The following EPB41L4A variants were observed in gnomAD, a reference collection of about 807,000 sequenced individuals.
The protein encoded by EPB41L4A is band 4.1-like protein 4A.
EPB41L4A carries 100 observed loss-of-function variants against 108.6 expected under a neutral mutation model. The observed-to-expected ratio is 0.92, with a 90% CI of 0.78 to 1.09. The LOEUF is 1.09. Among genes scored for constraint, EPB41L4A ranks in the 50% least tolerant of loss-of-function variants. The probability of loss-of-function intolerance (pLI) is 0.00; values close to 1 mark genes in which losing one functional copy is unlikely to be tolerated. For missense variants in EPB41L4A, 1,030 were observed against 842.7 expected (o/e 1.22, Z -2.75); for synonymous variants, 319 against 289.0 (o/e 1.10, Z -1.05).
At chr5:112,274,656 G>T (rs1412362329) in intron 4 of EPB41L4A, among the ~76,000 whole-genome samples, 2 of 152,166 alleles carry the variant, frequency 1.3e-5, no homozygotes, top group Non-Finnish European at 2.9e-5. Context: ...ATATACTTTT[G>T]TTTTTCCTAC....
intron 4 of EPB41L4A, 44 bp downstream of exon 4, chr5:112,275,282 T>C (rs986543266): frequency 1.3e-6 from 2 of 1,501,526 alleles, no homozygotes; most frequent in Admixed American, 2.4e-5. Context: ...GCTTTTTGTA[T>C]ATGCAATGCA....
intron 1 of EPB41L4A, among the ~76,000 whole-genome samples, chr5:112,341,534 A>G (rs1257884838): frequency 6.6e-6 from 1 of 152,212 alleles, no homozygotes; most frequent in Non-Finnish European, 1.5e-5. Context: ...TCATAACCTC[A>G]CAAATCAGCA....
At chr5:112,311,812 G>T (rs1755071546) in intron 1 of EPB41L4A, among the ~76,000 whole-genome samples, 1 of 152,088 alleles carries the variant, frequency 6.6e-6, no homozygotes, top group Non-Finnish European at 1.5e-5. Context: ...TGGAATGCTG[G>T]CATATGAAGA....
intron 1 of EPB41L4A, among the ~76,000 whole-genome samples, chr5:112,314,160 C>G (rs1755254841): frequency 6.6e-6 from 1 of 151,782 alleles, no homozygotes; most frequent in African/African-American, 2.4e-5. Flanking sequence ...ACCTGGCCAC[C>G]GTGTAACTTT....
chr5:112,385,609 TCTC>T (rs1760468295), intron 1 of EPB41L4A, among the ~76,000 whole-genome samples: 1 of 151,904 alleles, frequency 6.6e-6, no homozygotes, highest in African/African-American at 2.4e-5. Context: ...ACTAAAATTA[TCTC>T]CTTATTGAAA....
chr5:112,185,154 G>C (rs1353069275), intron 17 of EPB41L4A, among the ~76,000 whole-genome samples: 1 of 146,698 alleles, frequency 6.8e-6, no homozygotes, highest in African/African-American at 2.5e-5. Context: ...TCTAATTTAT[G>C]TAAGCTCTTC....
chr5:112,266,027 C>G (rs910790949), intron 5 of EPB41L4A, among the ~76,000 whole-genome samples: 4 of 152,192 alleles, frequency 2.6e-5, no homozygotes, highest in African/African-American at 9.7e-5. Flanking sequence ...AACCTCCATA[C>G]GACCTACCAT....
At chr5:112,232,656 T>C (rs889733291) in intron 12 of EPB41L4A, among the ~76,000 whole-genome samples, 6 of 152,226 alleles carry the variant, frequency 3.9e-5, no homozygotes, top group African/African-American at 1.4e-4. Flanking sequence ...AATGAAATGA[T>C]AGATGTCATA....
chr5:112,378,110 T>C (rs1313342979), intron 1 of EPB41L4A, among the ~76,000 whole-genome samples: 1 of 152,222 alleles, frequency 6.6e-6, no homozygotes, highest in Non-Finnish European at 1.5e-5. Flanking sequence ...CGGAGAAATT[T>C]ATTTCAACAT....
At chr5:112,238,990 A>G (rs1426583191) in intron 11 of EPB41L4A, among the ~76,000 whole-genome samples, 1 of 152,202 alleles carries the variant, frequency 6.6e-6, no homozygotes, top group African/African-American at 2.4e-5. Context: ...TAATGGTTAT[A>G]AACATGAGCT....
intron 6 of EPB41L4A, 43 bp from the exon 7 acceptor site, chr5:112,262,624 T>A (rs1751575004): frequency 6.7e-7 from 1 of 1,484,656 alleles, no homozygotes; most frequent in Non-Finnish European, 9.4e-7. Flanking sequence ...TTACAGCAGC[T>A]ACTGCACTTA....
At chr5:112,336,377 G>A (rs1756922857) in intron 1 of EPB41L4A, among the ~76,000 whole-genome samples, 1 of 152,108 alleles carries the variant, frequency 6.6e-6, no homozygotes, top group Admixed American at 6.6e-5. Context: ...GTTGGGGGCG[G>A]GAGTTCAATT....
At position 112,391,902 on chromosome 5, in the gene EPB41L4A, G is replaced by C. The variant is rs867093347; in HGVS notation, c.99+27039C>G. On this transcript the variant is annotated intron_variant, in intron 1 of 22. Transcript: ENST00000261486. ...TCGGCAGAAACTCCACAAGCGAGAAGAGAGTGGGGGCCAGTATTCAACATT... is the reference window on the plus strand; with the variant it reads ...TCGGCAGAAACTCCACAAGCGAGAACAGAGTGGGGGCCAGTATTCAACATT... 2.0e-5 allele frequency among the ~76,000 whole-genome samples: 3 copies of C among 152,218 alleles called. No individual in the cohort carries two copies. The South Asian group carries it at 6.2e-4, about 32-fold the overall frequency.
At chr5:112,417,646 G>C (rs712675) in intron 1 of EPB41L4A, among the ~76,000 whole-genome samples, 48,617 of 151,970 alleles carry the variant, frequency 0.32, 10,923 homozygotes, top group African/African-American at 0.64. Context: ...CACCCTCCCC[G>C]AAAAGAGTCT....
chr5:112,404,515 G>A (rs142592181), intron 1 of EPB41L4A, among the ~76,000 whole-genome samples: 84 of 152,230 alleles, frequency 5.5e-4, no homozygotes, highest in African/African-American at 1.9e-3. Context: ...ATTAGCATCA[G>A]TTTAATTTTA....
chr5:112,230,163 G>A (rs911734327), intron 12 of EPB41L4A, among the ~76,000 whole-genome samples: 1 of 151,990 alleles, frequency 6.6e-6, no homozygotes, highest in African/African-American at 2.4e-5. Context: ...CCATAGTTTT[G>A]CAAATACAAA....
chr5:112,275,300 G>C, intron 4 of EPB41L4A, 26 bp downstream of exon 4: 2 of 1,525,518 alleles, frequency 1.3e-6, no homozygotes, highest in Non-Finnish European at 8.8e-7. Flanking sequence ...GCATGTATCT[G>C]TTCAAAAACA....
chr5:112,304,892 G>C (rs1754588594), intron 2 of EPB41L4A, among the ~76,000 whole-genome samples: 1 of 152,144 alleles, frequency 6.6e-6, no homozygotes. Flanking sequence ...TTTAGGAGCA[G>C]ACACAGGACT....
chr5:112,247,395 C>T (rs1405738839), intron 9 of EPB41L4A, among the ~76,000 whole-genome samples: 3 of 152,082 alleles, frequency 2.0e-5, no homozygotes, highest in Non-Finnish European at 4.4e-5. Context: ...CTACCCCTGC[C>T]CCTCTACCAC....
Sources: gnomAD v4.1 joint callset for allele counts (sites outside exome capture counted in the v4.1 genomes callset) on GRCh38, gnomAD v4.1.1 for gene constraint, MANE v1.5 for transcripts, NCBI Gene and HGNC (gene_info 2026-07-23, HGNC 2026-07-21) for gene names.